Variants in GSE1 observed in about 807,000 individuals in gnomAD.
GSE1 encodes the protein Gse1 coiled-coil protein.
GSE1 carries 32 observed loss-of-function variants against 112.6 expected under a neutral mutation model. That is an observed-to-expected ratio of 0.28 (90% CI 0.21 to 0.38). The LOEUF is 0.38. Among genes scored for constraint, GSE1 ranks in the 10% least tolerant of loss-of-function variants. The pLI, the probability that GSE1 is intolerant of heterozygous loss-of-function variation, is 1.00. For missense variants in GSE1, 2,348 were observed against 1,699.2 expected (o/e 1.38, Z -6.71); for synonymous variants, 1,115 against 735.6 (o/e 1.52, Z -8.35).
At chr16:85,417,842 T>G (rs991533603) in intron 2 of GSE1, among the ~76,000 whole-genome samples, 5 of 152,132 alleles carry the variant, frequency 3.3e-5, no homozygotes, top group African/African-American at 9.7e-5. Flanking sequence ...CTGCATTTCT[T>G]TTTTCTTTTT....
intron 1 of GSE1, among the ~76,000 whole-genome samples, chr16:85,561,145 T>A (rs1296814158): frequency 6.6e-6 from 1 of 150,842 alleles, no homozygotes; most frequent in Non-Finnish European, 1.5e-5. Flanking sequence ...AAAAAAAAAA[T>A]TATTCATGAG....
intron 2 of GSE1, among the ~76,000 whole-genome samples, chr16:85,484,738 GCA>G (rs1418646971): frequency 6.6e-6 from 1 of 152,218 alleles, no homozygotes; most frequent in East Asian, 1.9e-4. Flanking sequence ...CAGGGCCCTG[GCA>G]CAGAGTCCCT....
intron 1 of GSE1, among the ~76,000 whole-genome samples, chr16:85,304,601 C>CGGGGGGGGGGGG (rs1290541396): frequency 3.8e-5 from 3 of 78,196 alleles, no homozygotes; most frequent in Non-Finnish European, 4.9e-5. Flanking sequence ...AAGCCGGGGG[C>CGGGGGGGGGGGG]GGGGGGGTGG....
At chr16:85,478,542 A>G (rs2151862290) in intron 2 of GSE1, among the ~76,000 whole-genome samples, 1 of 148,364 alleles carries the variant, frequency 6.7e-6, no homozygotes, top group Admixed American at 6.7e-5. Flanking sequence ...AAAAAAAAAA[A>G]TTCCATGGCC....
chr16:85,317,474 GC>G (rs1187900681), intron 1 of GSE1, among the ~76,000 whole-genome samples: 1 of 152,152 alleles, frequency 6.6e-6, no homozygotes, highest in Non-Finnish European at 1.5e-5. Flanking sequence ...ACGAGTCCCA[GC>G]CCCTCAGGTG....
chr16:85,569,204 G>T (rs949357165), intron 1 of GSE1, among the ~76,000 whole-genome samples: 1 of 152,200 alleles, frequency 6.6e-6, no homozygotes, highest in African/African-American at 2.4e-5. Flanking sequence ...CTTTGGCCAG[G>T]CTGTTCCTGC....
intron 2 of GSE1, among the ~76,000 whole-genome samples, chr16:85,536,293 T>C (rs1029687609): frequency 2.0e-5 from 3 of 152,174 alleles, no homozygotes; most frequent in Non-Finnish European, 4.4e-5. Flanking sequence ...GGGGCTCCTC[T>C]GAAAAGGAGA....
chr16:85,666,103 A>G lies in GSE1; in HGVS notation c.2886A>G (p.Arg962=). ...AGGTCCGGCCCCAGGAGCTGTCGAG[A>G]GTCCAGGAGCTAGCTCCTGCCAGCG... ...LEQVRPQELS[R]VQELAPASGE... is the part of the protein sequence containing the mutation. Residue 962 remains arginine (R), a synonymous_variant, in exon 13 of 16, where the codon AGA becomes AGG. Transcript: ENST00000253458. 6.2e-7 allele frequency: 1 copy of G among 1,613,248 alleles called. No individual in the cohort carries two copies. Among genetic ancestry groups the G allele is most frequent in the Non-Finnish European group, 8.5e-7 (1 of 1,179,944 alleles).
intron 3 of GSE1, among the ~76,000 whole-genome samples, chr16:85,652,702 G>A (rs750067127): frequency 1.6e-4 from 24 of 152,178 alleles, no homozygotes; most frequent in Non-Finnish European, 2.6e-4. Flanking sequence ...GAAGATGGAT[G>A]GGCCCAGGAA....
At chr16:85,649,039 G>A (rs1037872983) in intron 3 of GSE1, among the ~76,000 whole-genome samples, 4 of 152,232 alleles carry the variant, frequency 2.6e-5, no homozygotes, top group South Asian at 2.1e-4. Context: ...TTCACAATCC[G>A]GGGGCCGGCA....
chr16:85,311,786 C>T lies in GSE1; in HGVS notation c.2284-45677C>T, dbSNP rs1052722831. On this transcript the variant is annotated intron_variant, in intron 1 of 2. Coordinates refer to the GSE1 transcript ENST00000637419. This position sits in a 1 kb window ranked among gnomAD's most constrained non-coding sequence, Gnocchi z 4.2. ...CATCTGTCCCACCTGCCGATGCCCA[C>T]ATACCACCTTGCAGTCCTGGTGATG... Among the ~76,000 whole-genome samples the T allele has an allele frequency of 1.6e-4, 25 of 152,206 alleles. No homozygotes were observed. Among genetic ancestry groups the T allele is most frequent in the Non-Finnish European group, 3.4e-4 (23 of 68,032 alleles).
At chr16:85,327,590 G>A (rs140720437) in intron 1 of GSE1, among the ~76,000 whole-genome samples, 194 of 152,286 alleles carry the variant, frequency 1.3e-3, no homozygotes, top group African/African-American at 3.6e-3. Context: ...GCAACAGAGC[G>A]AGACTCTGTC....
At chr16:85,184,109 A>G (rs1386538798) in intron 1 of GSE1, among the ~76,000 whole-genome samples, 2 of 152,224 alleles carry the variant, frequency 1.3e-5, no homozygotes, top group Non-Finnish European at 1.5e-5. Context: ...TCAGGAAGGA[A>G]TGACAGGCTT....
At chr16:85,639,297 C>T (rs1249787881) in intron 2 of GSE1, among the ~76,000 whole-genome samples, 2 of 152,200 alleles carry the variant, frequency 1.3e-5, no homozygotes, top group Non-Finnish European at 2.9e-5. Flanking sequence ...AGGGACCTGT[C>T]CCCTCCTCGG....
chr16:85,257,914 G>A (rs772078280), intron 1 of GSE1, among the ~76,000 whole-genome samples: 7 of 152,220 alleles, frequency 4.6e-5, no homozygotes, highest in Non-Finnish European at 1.0e-4. Context: ...ATACATACAC[G>A]TAAACTGAGG....
chr16:85,245,182 AC>A (rs1905504664), intron 1 of GSE1, among the ~76,000 whole-genome samples: 1 of 151,902 alleles, frequency 6.6e-6, no homozygotes, highest in Non-Finnish European at 1.5e-5. Flanking sequence ...ACAAAACAAA[AC>A]AAAACACCCC....
At chr16:85,171,919 T>A in intron 1 of GSE1, 1 of 555,936 alleles carries the variant, frequency 1.8e-6, no homozygotes. Flanking sequence ...TTTCACTGGT[T>A]CTGTGCGGGG....
chr16:85,248,516 CT>C (rs1906113643), intron 1 of GSE1, among the ~76,000 whole-genome samples: 1 of 151,672 alleles, frequency 6.6e-6, no homozygotes, highest in Non-Finnish European at 1.5e-5. Flanking sequence ...CTTCCTCCCT[CT>C]TTGCCTCTCT....
intron 2 of GSE1, among the ~76,000 whole-genome samples, chr16:85,395,046 G>A (rs556074986): frequency 6.6e-6 from 1 of 152,110 alleles, no homozygotes; most frequent in East Asian, 1.9e-4. Context: ...GGGCATTCTC[G>A]ACGCGGGGAA....
Sources: gnomAD v4.1 joint callset for allele counts (sites outside exome capture counted in the v4.1 genomes callset) on GRCh38, gnomAD v4.1.1 for gene constraint, Gnocchi (gnomAD v3.1) non-coding constraint, MANE v1.5 for transcripts, NCBI Gene and HGNC (gene_info 2026-07-23, HGNC 2026-07-21) for gene names.